The following MYT1 variants were observed in gnomAD, a reference collection of about 807,000 sequenced individuals.
MYT1 encodes the protein myelin transcription factor I.
A neutral mutation model predicts 123.0 loss-of-function variants in MYT1; 23 were observed. That is an observed-to-expected ratio of 0.19 (90% CI 0.13 to 0.26). The LOEUF is 0.26. MYT1 is among the 10% of genes least tolerant of loss of function. The probability of loss-of-function intolerance (pLI) is 1.00; values close to 1 mark genes in which losing one functional copy is unlikely to be tolerated. For synonymous variants in MYT1, 518 were observed against 575.3 expected (o/e 0.90, Z 1.43); for missense variants, 1,125 against 1,472.5 (o/e 0.76, Z 3.86).
At chr20:64,233,186 TTTCC>T (rs1984378350) in intron 19 of MYT1, among the ~76,000 whole-genome samples, 1 of 92,922 alleles carries the variant, frequency 1.1e-5, no homozygotes, top group African/African-American at 4.3e-5. Context: ...CCCTCTCCCC[TTTCC>T]TCCCCTCTCC....
intron 19 of MYT1, among the ~76,000 whole-genome samples, 154 bp from the exon 20 acceptor site, chr20:64,236,401 G>GGGAT (rs1984546369): frequency 2.0e-5 from 3 of 150,820 alleles, no homozygotes; most frequent in African/African-American, 4.9e-5. Flanking sequence ...GGGTGACCCT[G>GGGAT]GGCTGGCCGT....
chr20:64,213,519 T>C lies in MYT1; in HGVS notation c.1518-15T>C, dbSNP rs1393067878. 1.2e-6 allele frequency: 2 copies of C among 1,610,342 alleles called. No individual in the cohort carries two copies. The highest frequency in any genetic ancestry group is 1.7e-6 in the Non-Finnish European group (2 of 1,176,968). ...GAGGGGAAGGCTCAGAAACCCCTCCTCTTCCTTCCTCTAGTTTGTCTGGGT... is the reference window on the plus strand; with the variant it reads ...GAGGGGAAGGCTCAGAAACCCCTCCCCTTCCTTCCTCTAGTTTGTCTGGGT... On this transcript the variant is annotated splice_polypyrimidine_tract_variant and intron_variant, in intron 9 of 22. Transcript: ENST00000328439. The surrounding 1 kb of genome is among the most constrained non-coding windows in gnomAD (Gnocchi z 5.6).
intron 4 of MYT1, among the ~76,000 whole-genome samples, chr20:64,201,946 C>CCCCGCG (rs1983322040): frequency 1.4e-5 from 2 of 138,650 alleles, no homozygotes; most frequent in South Asian, 4.4e-4. Flanking sequence ...TGTCGGGAAC[C>CCCCGCG]TCTGCGTGTC....
chr20:64,222,042 G>T lies in MYT1; in HGVS notation c.2391G>T (p.Leu797=), dbSNP rs1480084447. Residue 797 remains leucine (L), a synonymous_variant, in exon 14 of 23, where the codon CTG becomes CTT. Transcript: ENST00000328439. ...KFLSKDIKKE[L]LTCPTPGCDG... Reference sequence around the variant, plus strand: ...TCTCCAAGGACATAAAGAAGGAGCTGCTCACGTAAGTCCCTGTTTGGCTGG... The same window carrying T: ...TCTCCAAGGACATAAAGAAGGAGCTTCTCACGTAAGTCCCTGTTTGGCTGG... The T allele has an allele frequency of 5.0e-6, 8 of 1,612,332 alleles. No individual in the cohort carries two copies. The highest frequency in any genetic ancestry group is 6.8e-6 in the Non-Finnish European group (8 of 1,179,956).
At chr20:64,237,163 A>C in intron 20 of MYT1, 124 bp from the exon 21 acceptor site, 1 of 679,780 alleles carries the variant, frequency 1.5e-6, no homozygotes. Context: ...GAGCTCGGAA[A>C]ACCAGGAGGG....
chr20:64,169,466 A>G (rs1489941506), intron 1 of MYT1, among the ~76,000 whole-genome samples: 1 of 152,204 alleles, frequency 6.6e-6, no homozygotes, highest in Admixed American at 6.5e-5. Flanking sequence ...GTGGCTCCTA[A>G]CTGAAGGTGC....
chr20:64,224,208 C>T (rs1353188875), intron 16 of MYT1, among the ~76,000 whole-genome samples: 2 of 152,202 alleles, frequency 1.3e-5, no homozygotes, highest in Non-Finnish European at 2.9e-5. Flanking sequence ...CTTGTCTCCT[C>T]AGGTCACCTC....
Position 64,168,064 on chromosome 20 carries a change from G to T in MYT1, c.-99+3325G>T, listed in dbSNP as rs1166726743. ...CCCGGAGTGTCTGCTGGAGGCCTGG[G>T]GGGTGGAATGTGCTTTCACGGCCTC... On this transcript the variant is annotated intron_variant, in intron 1 of 22. Coordinates refer to ENST00000328439, the MANE Select transcript of MYT1 (RefSeq NM_004535.3). This position sits in a 1 kb window ranked among gnomAD's most constrained non-coding sequence, Gnocchi z 6.1. Among the ~76,000 whole-genome samples the T allele has an allele frequency of 6.6e-6, 1 of 152,224 alleles. No homozygotes were observed. The highest frequency in any genetic ancestry group is 2.1e-4 in the South Asian group (1 of 4,834).
At chr20:64,171,258 C>T (rs978062270) in intron 1 of MYT1, among the ~76,000 whole-genome samples, 1 of 152,142 alleles carries the variant, frequency 6.6e-6, no homozygotes, top group Admixed American at 6.5e-5. Flanking sequence ...GTGCTGCAAG[C>T]TTGCTGCCTT....
intron 2 of MYT1, among the ~76,000 whole-genome samples, chr20:64,195,701 C>G (rs1290494711): frequency 6.6e-6 from 1 of 152,044 alleles, no homozygotes; most frequent in African/African-American, 2.4e-5. Flanking sequence ...CAGCCAGAAC[C>G]ATGTATATTT....
intron 6 of MYT1, among the ~76,000 whole-genome samples, chr20:64,206,408 G>A (rs1325437361): frequency 1.3e-5 from 2 of 152,198 alleles, no homozygotes; most frequent in African/African-American, 4.8e-5. Context: ...CCATGTTGGA[G>A]CTCCTAGCCC....
chr20:64,208,059 AGGAGGAG>A lies in MYT1; in HGVS notation c.865_871del (p.Glu289LysfsTer21). 6.2e-7 allele frequency: 1 copy of A among 1,604,432 alleles called. No homozygotes were observed. Among genetic ancestry groups the A allele is most frequent in the Non-Finnish European group, 8.5e-7 (1 of 1,176,036 alleles). ...GAAGAGGAGGAGGAAGAGGAAGAGG[AGGAGGAG>A]GAAGAGGAAGAGGAGGAGGAAGAGG... On this transcript the variant is annotated frameshift_variant, in exon 7 of 23. Transcript: ENST00000328439. LOFTEE classifies it high-confidence loss of function. The surrounding 1 kb of genome is among the most constrained non-coding windows in gnomAD (Gnocchi z 5.4).
chr20:64,230,516 A>T (rs547875469), intron 18 of MYT1, among the ~76,000 whole-genome samples: 1 of 152,308 alleles, frequency 6.6e-6, no homozygotes, highest in Non-Finnish European at 1.5e-5. Context: ...TCCATCTCAA[A>T]AATACTACTA....
chr20:64,205,709 C>A lies in MYT1; in HGVS notation c.306C>A (p.Ala102=). Residue 102 remains alanine, a synonymous_variant, in exon 6 of 23, where the codon GCC becomes GCA. Coordinates refer to ENST00000328439, the MANE Select transcript of MYT1 (RefSeq NM_004535.3). Reference sequence around the variant, plus strand: ...GTGAGGACACTGAGGTGAAGGACGCCTCTGTTTCGGATGAATCGGAAGGAA... The same window carrying A: ...GTGAGGACACTGAGGTGAAGGACGCATCTGTTTCGGATGAATCGGAAGGAA... The part of the protein sequence containing the change: ...DGSEDTEVKD[A]SVSDESEGTL... The A allele has an allele frequency of 6.2e-7, 1 of 1,614,192 alleles. No individual in the cohort carries two copies. Among genetic ancestry groups the A allele is most frequent in the Non-Finnish European group, 8.5e-7 (1 of 1,180,030 alleles).
At chr20:64,169,051 G>T (rs191810110) in intron 1 of MYT1, among the ~76,000 whole-genome samples, 239 of 152,334 alleles carry the variant, frequency 1.6e-3, no homozygotes, top group African/African-American at 5.6e-3. Flanking sequence ...CCACACATCA[G>T]AGGAGGAGCG....
At chr20:64,178,953 C>T (rs1478774796) in intron 1 of MYT1, among the ~76,000 whole-genome samples, 5 of 134,390 alleles carry the variant, frequency 3.7e-5, no homozygotes, top group South Asian at 2.5e-4. Flanking sequence ...TACCCTTCAA[C>T]GTGGGAGCAC....
chr20:64,216,931 G>T, intron 10 of MYT1, 136 bp from the exon 11 acceptor site: 1 of 768,168 alleles, frequency 1.3e-6, no homozygotes, highest in Non-Finnish European at 2.2e-6. Flanking sequence ...ATATGCAGGG[G>T]TAGTGTCTTC....
intron 19 of MYT1, among the ~76,000 whole-genome samples, chr20:64,235,797 CACT>C (rs1984511327): frequency 1.4e-5 from 1 of 70,610 alleles, no homozygotes; most frequent in Non-Finnish European, 2.8e-5. Context: ...TGGTGGGTGA[CACT>C]GGGCTGGCTG....
chr20:64,193,039 T>C lies in MYT1; in HGVS notation c.-1+2879T>C, dbSNP rs1983009343. ...AAGAGAACCCCTTCTCAGACATGTGTTAAATAATGCCCCATGGAGGTGTCC... is the reference window on the plus strand; with the variant it reads ...AAGAGAACCCCTTCTCAGACATGTGCTAAATAATGCCCCATGGAGGTGTCC... On this transcript the variant is annotated intron_variant, in intron 2 of 22. Transcript: ENST00000328439. This position sits in a 1 kb window ranked among gnomAD's most constrained non-coding sequence, Gnocchi z 4.0. Among the ~76,000 whole-genome samples the C allele has an allele frequency of 6.6e-6, 1 of 152,200 alleles. No homozygotes were observed. Among genetic ancestry groups the C allele is most frequent in the South Asian group, 2.1e-4 (1 of 4,836 alleles).
Sources: gnomAD v4.1 joint callset for allele counts (sites outside exome capture counted in the v4.1 genomes callset) on GRCh38, gnomAD v4.1.1 for gene constraint, Gnocchi (gnomAD v3.1) non-coding constraint, MANE v1.5 for transcripts, NCBI Gene and HGNC (gene_info 2026-07-23, HGNC 2026-07-21) for gene names.